The following OTOGL variants were observed in gnomAD, a reference collection of about 807,000 sequenced individuals.
OTOGL encodes otogelin-like protein.
In OTOGL, 285 loss-of-function variants were observed where a neutral mutation model predicts 318.5. The observed-to-expected ratio is 0.89, with a 90% confidence interval of 0.81 to 0.99. The LOEUF is 0.99. Among genes scored for constraint, OTOGL ranks in the 50% least tolerant of loss-of-function variants. The pLI is 0.00. For missense variants in OTOGL, 2,899 were observed against 2,845.6 expected, an observed-to-expected ratio of 1.02 and a Z score of -0.43; for synonymous variants, 987 against 936.5, an observed-to-expected ratio of 1.05 and a Z score of -0.99.
In OTOGL at chr12:80,244,176, T is replaced by C. The variant is rs145946121; in HGVS notation, c.1052+4737T>C. Among the ~76,000 whole-genome samples the C allele has an allele frequency of 6.6e-3, 1,003 of 151,632 alleles. 13 individuals are homozygous for C. The highest frequency in any genetic ancestry group is 0.023 in the African/African-American group (944 of 41,410). ...AGTCCTATTTTTTCTTTTTTTCTTT[T>C]TTTTTTTTTATACTTTAAGTTTTAG... On this transcript the variant is annotated intron_variant, in intron 11 of 58. Transcript: ENST00000547103.
At chr12:80,329,979 G>T (rs1451098) in intron 37 of OTOGL, among the ~76,000 whole-genome samples, 1 of 151,912 alleles carries the variant, frequency 6.6e-6, no homozygotes, top group Non-Finnish European at 1.5e-5. Context: ...GAGGTTAATC[G>T]AAGACAGAAG....
At chr12:80,201,589 C>T (rs1309441556) in intron 1 of OTOGL, among the ~76,000 whole-genome samples, 1 of 152,068 alleles carries the variant, frequency 6.6e-6, no homozygotes, top group East Asian at 1.9e-4. Context: ...TTGGAGGGGA[C>T]AAACATCCAA....
chr12:80,257,263 T>C (rs1257972463), intron 17 of OTOGL, among the ~76,000 whole-genome samples: 1 of 151,546 alleles, frequency 6.6e-6, no homozygotes, highest in Non-Finnish European at 1.5e-5. Context: ...ATCTCACGGT[T>C]CAACCAAATA....
rs758948785 is a variant in OTOGL, at chr12:80,358,885, G to A, written c.6252G>A (p.Met2084Ile). The A allele has an allele frequency of 4.7e-6, 7 of 1,497,916 alleles. No homozygotes were observed. Among genetic ancestry groups the A allele is most frequent in the Non-Finnish European group, 5.4e-6 (6 of 1,112,314 alleles). 92.8% of individuals were successfully genotyped at this position (1,497,916 alleles called of 1,614,324 possible). A position where few individuals can be genotyped will look rare whatever the true frequency, so the allele number is the denominator to read the frequency against. Residue 2084 changes from methionine to isoleucine, a missense_variant, in exon 52 of 59, where the codon ATG becomes ATA. This residue lies in a region of OTOGL where 2,607 missense variants were observed against 2,524.9 expected (regional missense o/e 1.03). Transcript: ENST00000547103. ...HCECNCENLI[M>I]PTCEVGEFTA... ...AATGTAACTGTGAAAACCTTATTAT[G>A]CCAACTTGTGAAGTGGTAAGAACAC...
chr12:80,149,830 T>C (rs1872663579), intron 1 of OTOGL, among the ~76,000 whole-genome samples: 1 of 152,194 alleles, frequency 6.6e-6, no homozygotes, highest in African/African-American at 2.4e-5. Context: ...GACCTGATTT[T>C]CCAGGTGCCG....
At chr12:80,222,436 T>C (rs1276316235) in intron 7 of OTOGL, among the ~76,000 whole-genome samples, 191 bp downstream of exon 7, 1 of 152,164 alleles carries the variant, frequency 6.6e-6, no homozygotes, top group Non-Finnish European at 1.5e-5. Context: ...CAGTGAGATA[T>C]GTCCAGCTGG....
chr12:80,278,948 A>G lies in OTOGL; in HGVS notation c.2790-80A>G, dbSNP rs778808192. The G allele has an allele frequency of 6.0e-5, 89 of 1,471,876 alleles. 1 individual carries two copies. The Middle Eastern group carries it at 1.2e-3, about 21-fold the overall frequency. 91.2% of individuals were successfully genotyped at this position (1,471,876 alleles called of 1,614,324 possible). On this transcript the variant is annotated intron_variant, in intron 25 of 58. Coordinates refer to ENST00000547103, the MANE Select transcript of OTOGL (RefSeq NM_001378609.3). ...GACTCATGAATTCTCTTGAATACAGACATTCCAATGTTGCTGTCACTTGAA... is the reference window on the plus strand; with the variant it reads ...GACTCATGAATTCTCTTGAATACAGGCATTCCAATGTTGCTGTCACTTGAA...
chr12:80,191,227 C>T (rs1414440289), intron 1 of OTOGL, among the ~76,000 whole-genome samples: 1 of 152,232 alleles, frequency 6.6e-6, no homozygotes, highest in Non-Finnish European at 1.5e-5. Flanking sequence ...CACCTGAAGT[C>T]AGGAGTTCAA....
chr12:80,183,637 T>C (rs1875086739), intron 1 of OTOGL, among the ~76,000 whole-genome samples: 1 of 152,080 alleles, frequency 6.6e-6, no homozygotes. Context: ...CACCAACACA[T>C]TGGTAGTTGT....
chr12:80,152,393 A>G (rs1238769467), intron 1 of OTOGL, among the ~76,000 whole-genome samples: 1 of 152,182 alleles, frequency 6.6e-6, no homozygotes, highest in African/African-American at 2.4e-5. Context: ...GCTAAGGAAG[A>G]TGCTGAGATC....
rs1877885798 is a variant in OTOGL, at chr12:80,217,759, A to G, written c.235+95A>G. 4 of 917,030 alleles carry G rather than the reference A, an allele frequency of 4.4e-6. No individual in the cohort carries two copies. The African/African-American group carries it at 5.1e-5, about 12-fold the overall frequency. The allele number at this position is 917,030 out of a possible 1,614,324, so 56.8% of individuals were successfully genotyped here. Reference sequence around the variant, plus strand: ...AGTATTTATTGTTTCCGTATACCACATGAAGGAAAGTGAGCCAGGATGGTA... The same window carrying G: ...AGTATTTATTGTTTCCGTATACCACGTGAAGGAAAGTGAGCCAGGATGGTA... On this transcript the variant is annotated intron_variant, in intron 5 of 58. Transcript: ENST00000547103.
chr12:80,318,410 A>T, intron 32 of OTOGL, 136 bp from the exon 33 acceptor site: 1 of 512,734 alleles, frequency 2.0e-6, no homozygotes, highest in African/African-American at 2.0e-5. Context: ...TGAAGAATTC[A>T]GTTATTTTAT....
chr12:80,268,598 A>G (rs1883178389), intron 22 of OTOGL, among the ~76,000 whole-genome samples: 1 of 152,178 alleles, frequency 6.6e-6, no homozygotes, highest in African/African-American at 2.4e-5. Context: ...GGTACGCAGT[A>G]CTATTATTCA....
At chr12:80,208,785 A>G (rs956637661) in intron 1 of OTOGL, among the ~76,000 whole-genome samples, 1 of 152,126 alleles carries the variant, frequency 6.6e-6, no homozygotes, top group Admixed American at 6.5e-5. Context: ...ATCTTTTTTT[A>G]AAAATTGCTA....
At chr12:80,154,471 A>G (rs1052266611) in intron 1 of OTOGL, among the ~76,000 whole-genome samples, 1 of 151,610 alleles carries the variant, frequency 6.6e-6, no homozygotes, top group Non-Finnish European at 1.5e-5. Context: ...CAATCAATCA[A>G]ATATTTTCTT....
intron 19 of OTOGL, among the ~76,000 whole-genome samples, chr12:80,263,532 CTATT>C (rs1484293136): frequency 1.5e-4 from 23 of 152,072 alleles, no homozygotes; most frequent in Admixed American, 7.2e-4. Flanking sequence ...GATATATAAA[CTATT>C]TATATTTTGA....
intron 1 of OTOGL, chr12:80,189,354 C>G: frequency 2.5e-6 from 2 of 813,560 alleles, no homozygotes; most frequent in Non-Finnish European, 3.0e-6. Flanking sequence ...GCATGGATAT[C>G]AAGCATGCCT....
At chr12:80,191,252 A>G (rs1342700976) in intron 1 of OTOGL, among the ~76,000 whole-genome samples, 14 of 152,218 alleles carry the variant, frequency 9.2e-5, no homozygotes, top group Non-Finnish European at 2.9e-5. Context: ...AGCCTGGCCA[A>G]TATGGCCAAA....
chr12:80,182,057 C>T (rs935160465), intron 1 of OTOGL, among the ~76,000 whole-genome samples: 2 of 152,062 alleles, frequency 1.3e-5, no homozygotes, highest in Non-Finnish European at 2.9e-5. Flanking sequence ...GTCCCAGCTA[C>T]TCAGGAGGTT....
Sources: allele counts gnomAD v4.1 joint callset (sites outside exome capture counted in the v4.1 genomes callset), GRCh38; gene constraint gnomAD v4.1.1; regional missense constraint gnomAD v4.1.1; transcripts MANE v1.5; gene names NCBI Gene and HGNC (gene_info 2026-07-23, HGNC 2026-07-21).